VPS53: variants seen among roughly 807,000 people sequenced by gnomAD.
The protein encoded by VPS53 is vacuolar protein sorting-associated protein 53 homolog.
Under a neutral mutation model 107.0 loss-of-function variants are expected in VPS53, and 70 were observed. That is an observed-to-expected ratio of 0.65 (90% confidence interval 0.54 to 0.80). The LOEUF (loss-of-function observed/expected upper bound fraction) is 0.80, where lower values mean the gene tolerates loss of function less well. VPS53 is among the 30% of genes least tolerant of loss of function. The probability of loss-of-function intolerance (pLI) is 0.00; values close to 1 mark genes in which losing one functional copy is unlikely to be tolerated. For missense variants in VPS53, 917 were observed against 1,049.4 expected (o/e 0.87, Z 1.74); for synonymous variants, 409 against 393.3 (o/e 1.04, Z -0.47).
intron 15 of VPS53, among the ~76,000 whole-genome samples, chr17:558,140 G>A (rs1440037683): frequency 1.3e-5 from 2 of 152,212 alleles, no homozygotes; most frequent in Non-Finnish European, 2.9e-5. Flanking sequence ...GATTACAGGC[G>A]TGAGCCACTG....
intron 5 of VPS53, chr17:656,950 G>C: frequency 9.3e-7 from 1 of 1,075,224 alleles, no homozygotes; most frequent in Non-Finnish European, 1.4e-6. Flanking sequence ...TGCCACTGGT[G>C]TCTTTCACAT....
At chr17:552,917 GTATA>G in intron 16 of VPS53, 1 of 397,568 alleles carries the variant, frequency 2.5e-6, no homozygotes, top group Non-Finnish European at 4.5e-6. Flanking sequence ...TGTGTACAAG[GTATA>G]TACGTGCCGC....
In VPS53 at chr17:553,370, G is replaced by C. The variant is rs1014991414; in HGVS notation, c.1787+10C>G. ...GGCAGGCAGCCAGTAAGTGTGTGCA[G>C]GGTACATACGTGCTGAACGTGTCCA... On this transcript the variant is annotated intron_variant, in intron 16 of 21. Coordinates refer to ENST00000437048, the MANE Select transcript of VPS53 (RefSeq NM_001128159.3). 1 of 1,613,612 alleles carries C rather than the reference G, an allele frequency of 6.2e-7. No individual in the cohort carries two copies. Among genetic ancestry groups the C allele is most frequent in the African/African-American group, 1.3e-5 (1 of 75,038 alleles).
chr17:599,781 A>C (rs1055814563), intron 12 of VPS53, among the ~76,000 whole-genome samples: 23 of 121,414 alleles, frequency 1.9e-4, no homozygotes, highest in African/African-American at 6.1e-4. Flanking sequence ...AAAAACAAAA[A>C]CAAAATGACT....
chr17:522,513 T>C (rs1567596328), intron 19 of VPS53, among the ~76,000 whole-genome samples: 1 of 152,234 alleles, frequency 6.6e-6, no homozygotes, highest in African/African-American at 2.4e-5. Flanking sequence ...GTGTAAACTT[T>C]AAGATCTTTC....
chr17:598,722 C>CA (rs1968134926), intron 12 of VPS53, among the ~76,000 whole-genome samples: 1 of 106,576 alleles, frequency 9.4e-6, no homozygotes. Flanking sequence ...ACCCTCTGCC[C>CA]GGCAACCGCC....
intron 12 of VPS53, among the ~76,000 whole-genome samples, chr17:597,603 C>A (rs957790952): frequency 3.3e-5 from 5 of 152,138 alleles, no homozygotes. Flanking sequence ...AGTGCAATGG[C>A]GTGATCTCGG....
chr17:657,450 G>A (rs754759773), intron 5 of VPS53: 4 of 1,074,688 alleles, frequency 3.7e-6, no homozygotes, highest in African/African-American at 1.5e-5. Flanking sequence ...GTGGGGACTG[G>A]TGGACGGACG....
intron 2 of VPS53, among the ~76,000 whole-genome samples, chr17:700,466 G>A (rs1021060313): frequency 4.6e-5 from 7 of 152,022 alleles, no homozygotes; most frequent in East Asian, 1.9e-4. Flanking sequence ...CAGGAGAATC[G>A]CTTGAACCCG....
intron 13 of VPS53, among the ~76,000 whole-genome samples, chr17:583,842 G>A (rs370151696): frequency 3.6e-5 from 5 of 139,652 alleles, no homozygotes; most frequent in Middle Eastern, 4.9e-3. Flanking sequence ...ACCTCAATGC[G>A]TTCCCAGAGA....
intron 2 of VPS53, 90 bp from the exon 3 acceptor site, chr17:699,470 A>G (rs891534830): frequency 3.6e-5 from 38 of 1,053,804 alleles, no homozygotes; most frequent in African/African-American, 1.3e-4. Flanking sequence ...ATAGCTACTT[A>G]TGAAATCTCA....
intron 4 of VPS53, among the ~76,000 whole-genome samples, chr17:662,614 GGGAGGCAGA>G (rs1463947951): frequency 1.3e-5 from 2 of 151,770 alleles, no homozygotes; most frequent in Non-Finnish European, 2.9e-5. Flanking sequence ...GCTTGAACCC[GGGAGGCAGA>G]GCTTGCAGTG....
intron 19 of VPS53, among the ~76,000 whole-genome samples, chr17:529,313 A>G (rs374512780): frequency 4.6e-5 from 7 of 151,842 alleles, no homozygotes; most frequent in Non-Finnish European, 8.8e-5. Context: ...AACTCCTCCA[A>G]TTCTGTTCTA....
chr17:525,325 G>A (rs1909046488), intron 19 of VPS53, among the ~76,000 whole-genome samples: 1 of 152,152 alleles, frequency 6.6e-6, no homozygotes, highest in African/African-American at 2.4e-5. Flanking sequence ...CATGGAGGAA[G>A]AGATGGGCAG....
chr17:654,635 G>T (rs1329770646), intron 6 of VPS53, among the ~76,000 whole-genome samples: 1 of 151,024 alleles, frequency 6.6e-6, no homozygotes, highest in African/African-American at 2.4e-5. Context: ...TACTCGGGAG[G>T]CTGAGGCAGG....
At chr17:535,620 G>C (rs1456802032) in intron 18 of VPS53, among the ~76,000 whole-genome samples, 1 of 152,146 alleles carries the variant, frequency 6.6e-6, no homozygotes, top group Non-Finnish European at 1.5e-5. Context: ...TGGAGATTTT[G>C]AGTCACAGTA....
intron 15 of VPS53, among the ~76,000 whole-genome samples, chr17:555,470 T>C (rs1280756799): frequency 6.6e-6 from 1 of 152,170 alleles, no homozygotes; most frequent in Middle Eastern, 3.2e-3. Context: ...GTGCTGGGAT[T>C]ACAGACGTGA....
intron 11 of VPS53, among the ~76,000 whole-genome samples, chr17:604,168 A>G (rs1274114125): frequency 1.3e-5 from 2 of 152,188 alleles, no homozygotes; most frequent in African/African-American, 4.8e-5. Flanking sequence ...TTTAAAACAT[A>G]ATGTGTTATT....
At chr17:532,661 A>C in intron 19 of VPS53, 181 bp downstream of exon 19, 1 of 1,401,850 alleles carries the variant, frequency 7.1e-7, no homozygotes, top group Non-Finnish European at 9.3e-7. Context: ...GCGTTCAAAC[A>C]AAATTTTTAA....
Sources: allele counts gnomAD v4.1 joint callset (sites outside exome capture counted in the v4.1 genomes callset), GRCh38; gene constraint gnomAD v4.1.1; transcripts MANE v1.5; gene names NCBI Gene and HGNC (gene_info 2026-07-23, HGNC 2026-07-21).